The following ENTREP2 variants were observed in gnomAD, a reference collection of about 807,000 sequenced individuals.
ENTREP2 encodes the protein protein ENTREP2.
the ENTREP2 span, among the ~76,000 whole-genome samples, chr15:29,171,624 T>C: frequency 3.9e-5 from 6 of 152,186 alleles, no homozygotes; most frequent in African/African-American, 1.4e-4. Flanking sequence ...GTATTTATAT[T>C]AGCAATACCC....
chr15:29,559,608 G>A, the ENTREP2 span, among the ~76,000 whole-genome samples: 22 of 151,946 alleles, frequency 1.4e-4, no homozygotes, highest in African/African-American at 3.1e-4. Context: ...CTGCCTTTCC[G>A]GGCTTCCAGA....
chr15:29,152,906 G>A, the ENTREP2 span, among the ~76,000 whole-genome samples: 3 of 152,186 alleles, frequency 2.0e-5, no homozygotes, highest in Non-Finnish European at 4.4e-5. Flanking sequence ...ATTCCCACCA[G>A]CAGTGTATGA....
chr15:29,136,312 G>A, the ENTREP2 span: 422 of 1,441,576 alleles, frequency 2.9e-4, 2 homozygotes, highest in African/African-American at 3.4e-3. Context: ...AGGCCGGGAC[G>A]GTGTCCCTAG....
the ENTREP2 span, among the ~76,000 whole-genome samples, chr15:29,556,230 C>T: frequency 3.2e-3 from 488 of 152,316 alleles, 3 homozygotes; most frequent in African/African-American, 0.011. Flanking sequence ...GCACTCCAGC[C>T]TGGGCTGTAG....
the ENTREP2 span, among the ~76,000 whole-genome samples, chr15:29,134,288 A>C: frequency 6.6e-6 from 1 of 152,224 alleles, no homozygotes; most frequent in South Asian, 2.1e-4. Context: ...TTTCAGGGCC[A>C]TGCCCACCTC....
At chr15:29,531,892 C>T in the ENTREP2 span, among the ~76,000 whole-genome samples, 1 of 152,196 alleles carries the variant, frequency 6.6e-6, no homozygotes, top group Non-Finnish European at 1.5e-5. Flanking sequence ...TCTCAAACCC[C>T]TGACCTCAGG....
At chr15:29,223,722 G>A in the ENTREP2 span, among the ~76,000 whole-genome samples, 3 of 152,246 alleles carry the variant, frequency 2.0e-5, no homozygotes, top group Non-Finnish European at 2.9e-5. Flanking sequence ...TGGGGGTGGA[G>A]GGAATGGAAA....
chr15:29,421,631 TA>T, the ENTREP2 span, among the ~76,000 whole-genome samples: 1 of 152,236 alleles, frequency 6.6e-6, no homozygotes, highest in Non-Finnish European at 1.5e-5. Context: ...TAGACATGAA[TA>T]TTTTTCCTTA....
At chr15:29,593,069 T>C in the ENTREP2 span, among the ~76,000 whole-genome samples, 4 of 152,246 alleles carry the variant, frequency 2.6e-5, no homozygotes, top group African/African-American at 9.6e-5. Context: ...GCAACACAAA[T>C]AGACTAAGAC....
the ENTREP2 span, chr15:29,376,286 A>G: frequency 1.3e-5 from 2 of 152,270 alleles, no homozygotes; most frequent in Non-Finnish European, 2.9e-5. Flanking sequence ...TGTTTCCATT[A>G]TTCATACATA....
At chr15:29,604,469 T>C in the ENTREP2 span, among the ~76,000 whole-genome samples, 1 of 152,226 alleles carries the variant, frequency 6.6e-6, no homozygotes. Flanking sequence ...GACAGTTTAA[T>C]TTCTACGTAG....
At chr15:29,459,707 A>G in the ENTREP2 span, among the ~76,000 whole-genome samples, 1 of 152,172 alleles carries the variant, frequency 6.6e-6, no homozygotes, top group South Asian at 2.1e-4. Context: ...TGTGAGCCCC[A>G]CATGCAGCAC....
At chr15:29,300,239 A>AATGG in the ENTREP2 span, among the ~76,000 whole-genome samples, 18,675 of 135,396 alleles carry the variant, frequency 0.14, 1,684 homozygotes, top group African/African-American at 0.26. Flanking sequence ...TGGATGGAGA[A>AATGG]ATGGATGGAT....
At chr15:29,607,864 A>T in the ENTREP2 span, among the ~76,000 whole-genome samples, 1 of 152,100 alleles carries the variant, frequency 6.6e-6, no homozygotes, top group Non-Finnish European at 1.5e-5. Context: ...ATAGATAGAT[A>T]GACAGAGAAA....
the ENTREP2 span, among the ~76,000 whole-genome samples, chr15:29,134,239 C>T: frequency 1.3e-5 from 2 of 152,204 alleles, no homozygotes; most frequent in African/African-American, 4.8e-5. Context: ...TATAAAAACA[C>T]CTAAGAACAT....
At chr15:29,660,237 A>C in the ENTREP2 span, among the ~76,000 whole-genome samples, 3 of 152,302 alleles carry the variant, frequency 2.0e-5, no homozygotes, top group South Asian at 6.2e-4. Flanking sequence ...CCCCTCCAAA[A>C]TTCAAGTATT....
the ENTREP2 span, among the ~76,000 whole-genome samples, chr15:29,664,532 G>A: frequency 1.3e-5 from 2 of 151,606 alleles, no homozygotes; most frequent in East Asian, 1.9e-4. Context: ...CTCGGAAGCC[G>A]CGTGTGGAAG....
At chr15:29,483,656 A>T in the ENTREP2 span, among the ~76,000 whole-genome samples, 1 of 152,190 alleles carries the variant, frequency 6.6e-6, no homozygotes, top group African/African-American at 2.4e-5. Context: ...ATTGTCTATT[A>T]TTTAATCAAG....
chr15:29,189,979 C>T, the ENTREP2 span, among the ~76,000 whole-genome samples: 1 of 152,184 alleles, frequency 6.6e-6, no homozygotes, highest in Middle Eastern at 3.2e-3. Flanking sequence ...TACTGAAATC[C>T]TAATTTTTAG....
Sources: gnomAD v4.1 joint callset for allele counts (sites outside exome capture counted in the v4.1 genomes callset) on GRCh38, gnomAD v4.1.1 for gene constraint, MANE v1.5 for transcripts, NCBI Gene and HGNC (gene_info 2026-07-23, HGNC 2026-07-21) for gene names.